Variants in AMZ1 observed in about 807,000 individuals in gnomAD.
AMZ1 encodes the protein archaemetzincin-1.
AMZ1 carries 39 observed loss-of-function variants against 29.9 expected under a neutral mutation model. The observed-to-expected ratio is 1.30, with a 90% CI of 1.01 to 1.70. AMZ1 has a LOEUF of 1.70. Ranked by LOEUF, AMZ1 falls within the 40% of genes most tolerant of loss-of-function variation. The pLI is 0.00. For missense variants in AMZ1, 1,041 were observed against 680.6 expected, an observed-to-expected ratio of 1.53 and a Z score of -5.89; for synonymous variants, 458 against 304.0, an observed-to-expected ratio of 1.51 and a Z score of -5.27.
Position 2,731,529 on chromosome 7 carries a change from G to T in AMZ1, n.550+21713G>T. ...TCATGGACTCCACCAGCCGGTTGGT[G>T]CGCCTGTCCTCCATGAGGACCTGGT... On this transcript the variant is annotated intron_variant and non_coding_transcript_variant, in intron 4 of 4. Transcript: ENST00000489665. This position sits in a 1 kb window ranked among gnomAD's most constrained non-coding sequence, Gnocchi z 6.0. 1.9e-6 allele frequency: 3 copies of T among 1,612,262 alleles called. No individual in the cohort carries two copies. The highest frequency in any genetic ancestry group is 2.5e-6 in the Non-Finnish European group (3 of 1,178,696).
intron 3 of AMZ1, among the ~76,000 whole-genome samples, chr7:2,703,671 C>T (rs1208904640): frequency 3.3e-5 from 5 of 152,122 alleles, no homozygotes; most frequent in African/African-American, 9.7e-5. Context: ...CTGGAATGAG[C>T]GGATGGACAG....
In AMZ1 at chr7:2,708,663, T is replaced by G; in HGVS notation, c.548T>G (p.Leu183Arg). Reference protein sequence around the residue: ...LCVLGLTLSDLYPHEAWSFTF... With the variant: ...LCVLGLTLSDRYPHEAWSFTF... ...GTGCTGGGCCTCACACTGTCTGACC[T>G]GTACCCCCATGAGGCCTGGAGCTTC... Residue 183 changes from leucine (L) to arginine (R), a missense_variant, in exon 4 of 7, where the codon CTG becomes CGG. Physicochemically the swap from Leu to Arg is moderately radical, Grantham distance 102. Coordinates refer to ENST00000683327, the MANE Select transcript of AMZ1 (RefSeq NM_001384743.1). 6.2e-7 allele frequency: 1 copy of G among 1,613,192 alleles called. No homozygotes were observed. The highest frequency in any genetic ancestry group is 8.5e-7 in the Non-Finnish European group (1 of 1,180,000).
downstream of AMZ1, among the ~76,000 whole-genome samples, chr7:2,722,795 A>G: frequency 6.6e-6 from 1 of 152,088 alleles, no homozygotes; most frequent in East Asian, 1.9e-4. Flanking sequence ...CAACACAGTG[A>G]GACTCCATCT....
At chr7:2,737,599 G>C (rs932223483) in intron 4 of AMZ1, among the ~76,000 whole-genome samples, 2 of 152,110 alleles carry the variant, frequency 1.3e-5, no homozygotes, top group Non-Finnish European at 1.5e-5. Flanking sequence ...CTGTCTTACA[G>C]TTTCTGCACT....
At chr7:2,690,149 G>T (rs79031440) in intron 1 of AMZ1, among the ~76,000 whole-genome samples, 1 of 152,118 alleles carries the variant, frequency 6.6e-6, no homozygotes, top group African/African-American at 2.4e-5. Flanking sequence ...TCCTAGCTTG[G>T]AGCCTGTCAC....
chr7:2,761,154 C>G (rs1430508637), upstream of AMZ1, among the ~76,000 whole-genome samples: 3 of 152,162 alleles, frequency 2.0e-5, no homozygotes, highest in African/African-American at 7.2e-5. Flanking sequence ...TGGGAGACAA[C>G]CACGGCCGCC....
At chr7:2,750,592 T>C (rs1790985908) in intron 4 of AMZ1, among the ~76,000 whole-genome samples, 1 of 152,372 alleles carries the variant, frequency 6.6e-6, no homozygotes, top group South Asian at 2.1e-4. Flanking sequence ...TAAAGTTATG[T>C]GAATGTGGTC....
At chr7:2,698,614 A>G (rs112965573) in intron 1 of AMZ1, among the ~76,000 whole-genome samples, 6,077 of 152,010 alleles carry the variant, frequency 0.04, 415 homozygotes, top group African/African-American at 0.14. Context: ...AGGAGAGAGG[A>G]TTGCTTGAGC....
chr7:2,704,115 T>G (rs1788212924), intron 3 of AMZ1, among the ~76,000 whole-genome samples: 1 of 152,218 alleles, frequency 6.6e-6, no homozygotes, highest in African/African-American at 2.4e-5. Context: ...GGTCTGGATC[T>G]CCTGACCGCA....
rs1789062304 is a variant in AMZ1 at position 2,715,386 on chromosome 7, A to G, written c.*2508A>G. ...TTTTCCGATTTCCTTCATCTTCTGC[A>G]AAAGGTTAACCGCTGGAGTGATGCG... On this transcript the variant is annotated 3_prime_UTR_variant, in exon 7 of 7. Coordinates refer to ENST00000683327, the MANE Select transcript of AMZ1 (RefSeq NM_001384743.1). 1 of 152,360 alleles carries G rather than the reference A, an allele frequency of 6.6e-6. No individual in the cohort carries two copies. The highest frequency in any genetic ancestry group is 2.4e-5 in the African/African-American group (1 of 41,438). 9.4% of individuals were successfully genotyped at this position (152,360 alleles called of 1,614,324 possible).
At chr7:2,681,704 G>A (rs547902055) in intron 1 of AMZ1, among the ~76,000 whole-genome samples, 2 of 152,168 alleles carry the variant, frequency 1.3e-5, no homozygotes, top group Non-Finnish European at 1.5e-5. Context: ...TGCCTGGTCC[G>A]TGTGTCTTTT....
chr7:2,699,780 G>T lies in AMZ1; in HGVS notation c.-218-454G>T, dbSNP rs137874938. ...GGAGAGGAGCATTTGGTTTCCACCT[G>T]GAGGGGCCCTTCTAGCTCTGCAGGG... is the stretch of plus-strand genomic sequence containing the variant. On this transcript the variant is annotated intron_variant, in intron 1 of 6. Transcript: ENST00000683327. 6.1e-3 allele frequency among the ~76,000 whole-genome samples: 936 copies of T among 152,304 alleles called. 14 individuals carry two copies. The highest frequency in any genetic ancestry group is 0.022 in the African/African-American group (901 of 41,560).
intron 2 of AMZ1, chr7:2,702,418 C>G: frequency 2.7e-6 from 1 of 375,028 alleles, no homozygotes; most frequent in Non-Finnish European, 4.8e-6. Context: ...CAGTGCCTGG[C>G]GCTAACCCTA....
At chr7:2,703,593 A>C (rs1252295581) in intron 3 of AMZ1, among the ~76,000 whole-genome samples, 2 of 152,146 alleles carry the variant, frequency 1.3e-5, no homozygotes, top group African/African-American at 4.8e-5. Context: ...TGAGAGGCAG[A>C]GGTGAAGTGA....
downstream of AMZ1, among the ~76,000 whole-genome samples, chr7:2,722,447 T>C (rs751055832): frequency 6.6e-6 from 1 of 152,188 alleles, no homozygotes; most frequent in Non-Finnish European, 1.5e-5. Context: ...TAATTTTTTA[T>C]ATTTCAGCAG....
intron 3 of AMZ1, among the ~76,000 whole-genome samples, chr7:2,705,989 C>T (rs1788331082): frequency 1.3e-5 from 2 of 152,220 alleles, no homozygotes; most frequent in East Asian, 3.8e-4. Flanking sequence ...GCACCAAGTC[C>T]CACAAGGGTC....
At chr7:2,704,079 C>T (rs532245783) in intron 3 of AMZ1, among the ~76,000 whole-genome samples, 2 of 152,274 alleles carry the variant, frequency 1.3e-5, no homozygotes, top group African/African-American at 4.8e-5. Context: ...TTAGTAGAGA[C>T]GGGATTTCAC....
At chr7:2,704,006 AG>A (rs1788207605) in intron 3 of AMZ1, among the ~76,000 whole-genome samples, 1 of 152,140 alleles carries the variant, frequency 6.6e-6, no homozygotes, top group Admixed American at 6.5e-5. Flanking sequence ...CTCCTGCCTC[AG>A]CCTCCCGCGT....
intron 3 of AMZ1, among the ~76,000 whole-genome samples, chr7:2,706,622 C>A (rs905159072): frequency 7.2e-5 from 11 of 152,228 alleles, no homozygotes; most frequent in African/African-American, 2.7e-4. Flanking sequence ...CAACTCCAAC[C>A]TCAGCCTTTG....
Sources: gnomAD v4.1 joint callset for allele counts (sites outside exome capture counted in the v4.1 genomes callset) on GRCh38, gnomAD v4.1.1 for gene constraint, Gnocchi (gnomAD v3.1) non-coding constraint, MANE v1.5 for transcripts, NCBI Gene and HGNC (gene_info 2026-07-23, HGNC 2026-07-21) for gene names.